ELAPOR2: variants seen among roughly 807,000 people sequenced by gnomAD.
ELAPOR2 encodes endosome/lysosome-associated apoptosis and autophagy regulator family member 2.
ELAPOR2 carries 89 observed loss-of-function variants against 120.7 expected under a neutral mutation model. The observed-to-expected ratio is 0.74, with a 90% CI of 0.62 to 0.88. ELAPOR2 has a LOEUF of 0.88. Ranked by LOEUF, ELAPOR2 falls within the 40% of genes least tolerant of loss-of-function variation. The probability of loss-of-function intolerance (pLI) is 0.00; values close to 1 mark genes in which losing one functional copy is unlikely to be tolerated. For synonymous variants in ELAPOR2, 444 were observed against 444.9 expected (o/e 1.00, Z 0.03); for missense variants, 1,134 against 1,251.6 (o/e 0.91, Z 1.42).
At chr7:86,900,225 A>G (rs944805180) in intron 18 of ELAPOR2, among the ~76,000 whole-genome samples, 3 of 151,714 alleles carry the variant, frequency 2.0e-5, no homozygotes, top group African/African-American at 7.3e-5. Flanking sequence ...AATGAACTCA[A>G]TAAATGAAAA....
intron 1 of ELAPOR2, among the ~76,000 whole-genome samples, chr7:87,048,296 A>G (rs924401658): frequency 1.3e-5 from 2 of 152,124 alleles, no homozygotes; most frequent in Non-Finnish European, 2.9e-5. Context: ...TACTATTCAG[A>G]CATAAAAAAA....
chr7:87,037,499 G>C (rs944347449), intron 1 of ELAPOR2, among the ~76,000 whole-genome samples: 1 of 152,066 alleles, frequency 6.6e-6, no homozygotes, highest in Non-Finnish European at 1.5e-5. Flanking sequence ...GTCTTTAATA[G>C]CTGTAAAATC....
chr7:86,971,937 A>G (rs920079806), intron 1 of ELAPOR2, among the ~76,000 whole-genome samples: 12 of 152,200 alleles, frequency 7.9e-5, no homozygotes, highest in Non-Finnish European at 1.6e-4. Context: ...AAGCTGACAG[A>G]CAATATGGAC....
chr7:86,904,810 AC>A (rs962429416), intron 18 of ELAPOR2, among the ~76,000 whole-genome samples: 3 of 151,790 alleles, frequency 2.0e-5, no homozygotes, highest in African/African-American at 7.3e-5. Context: ...AAGATATAAA[AC>A]CCCAACCAAC....
chr7:86,949,438 C>G (rs1791141594), intron 2 of ELAPOR2, among the ~76,000 whole-genome samples: 1 of 152,186 alleles, frequency 6.6e-6, no homozygotes, highest in Admixed American at 6.5e-5. Flanking sequence ...GCAGCACGTT[C>G]CATGGAGCCA....
At chr7:87,023,944 A>G (rs1378417347) in intron 1 of ELAPOR2, among the ~76,000 whole-genome samples, 1 of 152,198 alleles carries the variant, frequency 6.6e-6, no homozygotes, top group African/African-American at 2.4e-5. Context: ...GAAGTTGCTT[A>G]TCAGCTTAAG....
intron 2 of ELAPOR2, among the ~76,000 whole-genome samples, chr7:86,964,212 C>T (rs777060550): frequency 1.4e-4 from 21 of 151,834 alleles, no homozygotes; most frequent in East Asian, 3.9e-4. Context: ...TCTACCCTCT[C>T]GACTATTTTG....
chr7:86,880,500 G>T lies in ELAPOR2; in HGVS notation c.3061C>A (p.Leu1021Met), dbSNP rs1375600273. 2 of 1,609,366 alleles carry T rather than the reference G, an allele frequency of 1.2e-6. No individual in the cohort carries two copies. The highest frequency in any genetic ancestry group is 1.7e-6 in the Non-Finnish European group (2 of 1,176,092). The change falls in exon 22 of 22, where the codon CTG becomes ATG. Residue 1021 changes from leucine to methionine, a missense_variant. By Grantham distance (15) the Leu-to-Met change is conservative. Around this residue, in one of 3 missense-constraint regions of ELAPOR2, gnomAD observed 831 missense variants for 867.6 expected, o/e 0.96. Transcript: ENST00000450689. ...ATATTTGGGGATCTTGAGGTTTTCA[G>T]TTGAACAGATTCAAAATGGTCTTCT... ...EKEDHFESVQ[L>M]KTSRSPNI
In ELAPOR2 at chr7:87,009,395, G is replaced by A. The variant is rs185782710; in HGVS notation, c.190-44371C>T. Among the ~76,000 whole-genome samples, 165 of 152,266 alleles carry A rather than the reference G, an allele frequency of 1.1e-3. 2 individuals carry two copies. In the East Asian group the frequency reaches 0.029, roughly 27 times the overall value. ...AGAACATTAGGAAGAAGGACACTAA[G>A]AAACAAATTACAGGATTTATCACAA... On this transcript the variant is annotated intron_variant, in intron 1 of 21. Coordinates refer to ENST00000450689, the MANE Select transcript of ELAPOR2 (RefSeq NM_001142749.3).
Position 86,914,790 on chromosome 7 carries a change from T to C in ELAPOR2, c.1664A>G (p.His555Arg), listed in dbSNP as rs373842850. The C allele has an allele frequency of 4.3e-6, 7 of 1,612,566 alleles. No individual in the cohort carries two copies. Among genetic ancestry groups the C allele is most frequent in the African/African-American group, 2.7e-5 (2 of 74,878 alleles). ...GGTKEKQAYT[H>R]IIFKNATFTF... ...AAAAGTTGCATTCTTGAAGATGATA[T>C]GGGTGTAAGCTTGTTTTTCTTTGGT... Residue 555 changes from histidine (H) to arginine (R), a missense_variant, in exon 13 of 22, where the codon CAT (histidine) becomes CGT (arginine). This residue lies in a region of ELAPOR2 where 831 missense variants were observed against 867.6 expected (regional missense o/e 0.96). Transcript: ENST00000450689.
intron 18 of ELAPOR2, among the ~76,000 whole-genome samples, chr7:86,902,801 C>T (rs1430904496): frequency 6.6e-6 from 1 of 152,096 alleles, no homozygotes; most frequent in Non-Finnish European, 1.5e-5. Flanking sequence ...CTAACAGGAA[C>T]CCCTCTCACT....
intron 1 of ELAPOR2, among the ~76,000 whole-genome samples, chr7:86,985,162 T>C (rs908671613): frequency 6.6e-6 from 1 of 152,202 alleles, no homozygotes. Context: ...AATCTCTGAA[T>C]AGACCAATAA....
chr7:87,058,868 C>G (rs1200172268), intron 1 of ELAPOR2, among the ~76,000 whole-genome samples: 1 of 151,980 alleles, frequency 6.6e-6, no homozygotes, highest in Admixed American at 6.6e-5. Flanking sequence ...GGGAGTAGGA[C>G]GAAGGCGTTT....
intron 1 of ELAPOR2, among the ~76,000 whole-genome samples, chr7:86,993,540 C>G (rs890347966): frequency 6.6e-6 from 1 of 152,152 alleles, no homozygotes; most frequent in South Asian, 2.1e-4. Flanking sequence ...AGGAATCTTA[C>G]AAATATTTGG....
At position 86,924,374 on chromosome 7, in the gene ELAPOR2, TACACACAC is replaced by T. The variant is rs3057442; in HGVS notation, c.1399+1146_1399+1153del. Among the ~76,000 whole-genome samples, 1,109 of 145,318 alleles carry T rather than the reference TACACACAC, an allele frequency of 7.6e-3. 11 individuals carry two copies. The highest frequency in any genetic ancestry group is 0.025 in the African/African-American group (994 of 39,642). On this transcript the variant is annotated intron_variant, in intron 10 of 21. Transcript: ENST00000450689. ...CAGGTAATCTTTACTAGTAAGTGAA[TACACACAC>T]ACACACACACACACACACACACACA...
At chr7:86,977,016 G>C (rs1374138122) in intron 1 of ELAPOR2, among the ~76,000 whole-genome samples, 2 of 152,072 alleles carry the variant, frequency 1.3e-5, no homozygotes, top group Non-Finnish European at 2.9e-5. Context: ...TGCAACTATG[G>C]GTGCTAACAG....
intron 1 of ELAPOR2, among the ~76,000 whole-genome samples, chr7:87,031,731 A>G (rs1489512164): frequency 6.6e-6 from 1 of 152,196 alleles, no homozygotes; most frequent in East Asian, 1.9e-4. Flanking sequence ...ATCATAGATT[A>G]CATTATCTTA....
intron 1 of ELAPOR2, among the ~76,000 whole-genome samples, chr7:87,018,297 C>A (rs776678719): frequency 1.7e-3 from 251 of 152,066 alleles, no homozygotes; most frequent in Non-Finnish European, 2.1e-3. Context: ...CCTAGTCATC[C>A]CAAAGTGCTG....
intron 8 of ELAPOR2, among the ~76,000 whole-genome samples, chr7:86,935,532 A>G (rs1790525219): frequency 6.6e-6 from 1 of 151,962 alleles, no homozygotes; most frequent in Non-Finnish European, 1.5e-5. Context: ...CTCTTCCTCT[A>G]GAGTCTAGAC....
Sources: allele counts gnomAD v4.1 joint callset (sites outside exome capture counted in the v4.1 genomes callset), GRCh38; gene constraint gnomAD v4.1.1; regional missense constraint gnomAD v4.1.1; transcripts MANE v1.5; gene names NCBI Gene and HGNC (gene_info 2026-07-23, HGNC 2026-07-21).